The following ZFHX3 variants were observed in gnomAD, a reference collection of about 807,000 sequenced individuals.
ZFHX3 encodes zinc finger homeobox 3.
Under a neutral mutation model 279.1 loss-of-function variants are expected in ZFHX3, and 42 were observed. That is an observed-to-expected ratio of 0.15 (90% confidence interval 0.12 to 0.19). The LOEUF is 0.19. ZFHX3 is among the 10% of genes least tolerant of loss of function. The pLI is 1.00. For synonymous variants in ZFHX3, 2,293 were observed against 1,957.8 expected, an observed-to-expected ratio of 1.17 and a Z score of -4.52; for missense variants, 4,981 against 4,754.0, an observed-to-expected ratio of 1.05 and a Z score of -1.40.
chr16:73,083,295 AC>A (rs1413569641), intron 8 of ZFHX3: 1 of 152,252 alleles, frequency 6.6e-6, no homozygotes, highest in Non-Finnish European at 1.5e-5. Flanking sequence ...TTATGAGCTT[AC>A]TGCTAATGAG....
chr16:73,014,784 T>C (rs1964041643), intron 1 of ZFHX3, among the ~76,000 whole-genome samples: 1 of 152,024 alleles, frequency 6.6e-6, no homozygotes, highest in Non-Finnish European at 1.5e-5. Flanking sequence ...AGTGCTGGGA[T>C]TACAGGCATG....
Position 73,473,365 on chromosome 16 carries a change from A to AAAAAAAAAAC in ZFHX3, c.-1546-17108_-1546-17107insGTTTTTTTTT, listed in dbSNP as rs2018708335. On this transcript the variant is annotated intron_variant, in intron 2 of 17. Coordinates refer to the ZFHX3 transcript ENST00000641206. ...AAAAAAAAAAAAAAAAAACAAAAAA[A>AAAAAAAAAAC]AAAAAAACAAAATAATAAGCTATGT... Among the ~76,000 whole-genome samples, 66 of 130,144 alleles carry AAAAAAAAAAC rather than the reference A, an allele frequency of 5.1e-4. 1 individual carries two copies. Among genetic ancestry groups the AAAAAAAAAAC allele is most frequent in the African/African-American group, 1.1e-3 (37 of 32,526 alleles). 85.4% of individuals were successfully genotyped at this position (130,144 alleles called of 152,430 possible). A position where few individuals can be genotyped will look rare whatever the true frequency, so the allele number is the denominator to read the frequency against.
At chr16:73,223,347 A>T (rs193294184) in intron 5 of ZFHX3, among the ~76,000 whole-genome samples, 11 of 152,338 alleles carry the variant, frequency 7.2e-5, no homozygotes, top group African/African-American at 2.4e-4. Flanking sequence ...TATCCAAAAC[A>T]TACAAAGAAC....
chr16:73,697,487 T>C (rs935569099), intron 1 of ZFHX3, among the ~76,000 whole-genome samples: 2 of 152,214 alleles, frequency 1.3e-5, no homozygotes, highest in Non-Finnish European at 2.9e-5. Flanking sequence ...AATCACTGAT[T>C]CAACATTGTT....
chr16:73,812,400 T>C (rs1960451214), intron 1 of ZFHX3, among the ~76,000 whole-genome samples: 1 of 152,214 alleles, frequency 6.6e-6, no homozygotes, highest in Admixed American at 6.5e-5. Context: ...CTCCTATATT[T>C]ACCACAATGC....
chr16:72,848,928 C>A (rs1025549514), intron 4 of ZFHX3, among the ~76,000 whole-genome samples: 1 of 152,118 alleles, frequency 6.6e-6, no homozygotes, highest in Non-Finnish European at 1.5e-5. Flanking sequence ...GGCAGAGCGC[C>A]GGGCTGCCAG....
chr16:73,130,836 G>T lies in ZFHX3; in HGVS notation c.-897+132C>A. 4.7e-6 allele frequency: 3 copies of T among 635,284 alleles called. No homozygotes were observed. The South Asian group carries it at 6.7e-5, about 14-fold the overall frequency. 39.4% of individuals were successfully genotyped at this position (635,284 alleles called of 1,614,324 possible). On this transcript the variant is annotated intron_variant, in intron 7 of 17. Transcript: ENST00000641206. ...TTGGCCAGGCTGGTCTCGAACTCCT[G>T]ACCTCAGGTGATCCACCTGCCTCGG...
chr16:73,667,032 C>G (rs551063864), intron 2 of ZFHX3, among the ~76,000 whole-genome samples: 2 of 152,026 alleles, frequency 1.3e-5, no homozygotes, highest in Admixed American at 1.3e-4. Context: ...CACTCCGTCA[C>G]CCAGGCTAGA....
intron 2 of ZFHX3, among the ~76,000 whole-genome samples, chr16:73,558,685 G>A (rs868106158): frequency 2.7e-5 from 4 of 147,168 alleles, no homozygotes; most frequent in Non-Finnish European, 4.5e-5. Flanking sequence ...CCCCCCACAC[G>A]CACATACACA....
intron 3 of ZFHX3, among the ~76,000 whole-genome samples, chr16:72,895,979 GA>G (rs1200520597): frequency 6.6e-6 from 1 of 152,220 alleles, no homozygotes; most frequent in East Asian, 1.9e-4. Context: ...TTCACAGAAA[GA>G]AACATCTATG....
chr16:73,233,309 G>A (rs991170146), intron 5 of ZFHX3, among the ~76,000 whole-genome samples: 4 of 152,022 alleles, frequency 2.6e-5, no homozygotes, highest in Non-Finnish European at 4.4e-5. Flanking sequence ...ATACAGTGAT[G>A]TCATACATTG....
intron 5 of ZFHX3, among the ~76,000 whole-genome samples, chr16:73,204,548 G>A (rs1196187025): frequency 2.0e-5 from 3 of 152,140 alleles, no homozygotes; most frequent in Admixed American, 1.3e-4. Context: ...TGCGAGTGAC[G>A]GGGAATGGCT....
intron 5 of ZFHX3, among the ~76,000 whole-genome samples, chr16:73,167,596 G>C (rs1021585645): frequency 6.6e-6 from 1 of 152,172 alleles, no homozygotes; most frequent in Admixed American, 6.5e-5. Flanking sequence ...CATATTTCTT[G>C]AAACTGAGAA....
At chr16:73,690,828 C>T (rs114164681) in intron 1 of ZFHX3, among the ~76,000 whole-genome samples, 4 of 152,180 alleles carry the variant, frequency 2.6e-5, no homozygotes, top group African/African-American at 9.7e-5. Flanking sequence ...TACCTTACAC[C>T]ATCTGCTCGC....
chr16:73,170,101 G>T (rs1405380956), intron 5 of ZFHX3, among the ~76,000 whole-genome samples: 1 of 151,998 alleles, frequency 6.6e-6, no homozygotes, highest in Non-Finnish European at 1.5e-5. Context: ...TAGGCACTCA[G>T]TAACACTTGT....
chr16:73,045,395 T>C (rs1476764182), intron 1 of ZFHX3, among the ~76,000 whole-genome samples: 1 of 152,222 alleles, frequency 6.6e-6, no homozygotes, highest in Non-Finnish European at 1.5e-5. Flanking sequence ...TCGCTTATTT[T>C]AGCTCCTTGC....
chr16:72,974,929 C>T (rs963611033), intron 1 of ZFHX3, among the ~76,000 whole-genome samples: 15 of 152,164 alleles, frequency 9.9e-5, no homozygotes, highest in Non-Finnish European at 1.8e-4. Context: ...TAACTCACTG[C>T]ACTAGACTGA....
chr16:73,011,275 C>T (rs1350832819), intron 1 of ZFHX3, among the ~76,000 whole-genome samples: 1 of 152,012 alleles, frequency 6.6e-6, no homozygotes, highest in African/African-American at 2.4e-5. Context: ...TGAACCACTT[C>T]ACCTGGCCCT....
In ZFHX3 at chr16:72,787,723, C is replaced by A. The variant is rs2143283578; in HGVS notation, c.10553G>T (p.Gly3518Val). 1 of 1,380,902 alleles carries A rather than the reference C, an allele frequency of 7.2e-7. No individual in the cohort carries two copies. The highest frequency in any genetic ancestry group is 9.4e-7 in the Non-Finnish European group (1 of 1,068,254). 85.5% of individuals were successfully genotyped at this position (1,380,902 alleles called of 1,614,324 possible). A position where few individuals can be genotyped will look rare whatever the true frequency, so the allele number is the denominator to read the frequency against. ...GGGGGSGGGG[G>V]GGGGGGGGGS... ...GCCGCCGCCGCCGCCGCCGCCACCG[C>A]CGCCGCCGCCGCCACTGCCACCGCC... is the stretch of plus-strand genomic sequence containing the variant. Residue 3518 changes from glycine to valine, a missense_variant, in exon 10 of 10, where the codon GGC (glycine) becomes GTC (valine). By Grantham distance (109) the Gly-to-Val change is moderately radical. This residue lies in a region of ZFHX3 where 1,034 missense variants were observed against 786.0 expected (regional missense o/e 1.32). Transcript: ENST00000268489.
Sources: allele counts gnomAD v4.1 joint callset (sites outside exome capture counted in the v4.1 genomes callset), GRCh38; gene constraint gnomAD v4.1.1; regional missense constraint gnomAD v4.1.1; transcripts MANE v1.5; gene names NCBI Gene and HGNC (gene_info 2026-07-23, HGNC 2026-07-21).